Variants in CFAP54 observed in about 807,000 individuals in gnomAD.
CFAP54 encodes cilia- and flagella-associated protein 54.
CFAP54 carries 290 observed loss-of-function variants against 370.4 expected under a neutral mutation model. The observed-to-expected ratio is 0.78, with a 90% confidence interval of 0.71 to 0.86. CFAP54 has a LOEUF of 0.86. Ranked by LOEUF, CFAP54 falls within the 40% of genes least tolerant of loss-of-function variation. CFAP54 has a pLI of 0.00. For missense variants in CFAP54, 3,399 were observed against 3,528.7 expected (o/e 0.96, Z 0.93); for synonymous variants, 1,206 against 1,236.5 (o/e 0.98, Z 0.52).
At chr12:96,821,772 T>C (rs998081399) in intron 65 of CFAP54, among the ~76,000 whole-genome samples, 3 of 151,956 alleles carry the variant, frequency 2.0e-5, no homozygotes, top group Non-Finnish European at 4.4e-5. Context: ...ATCTGCTAGT[T>C]TGTTGTCATG....
chr12:96,562,518 C>T lies in CFAP54; in HGVS notation c.2411-1950C>T, dbSNP rs552867081. On this transcript the variant is annotated intron_variant, in intron 17 of 67. Coordinates refer to ENST00000524981, the MANE Select transcript of CFAP54 (RefSeq NM_001306084.2). ...CTCAGCTCACTGGAACCTCTGCCTCCGAGGTTCAAGTGATTCTCCTGCCTC... is the reference window on the plus strand; with the variant it reads ...CTCAGCTCACTGGAACCTCTGCCTCTGAGGTTCAAGTGATTCTCCTGCCTC... 7.3e-5 allele frequency among the ~76,000 whole-genome samples: 11 copies of T among 150,998 alleles called. No homozygotes were observed. In the South Asian group the frequency reaches 1.5e-3, roughly 20 times the overall value.
intron 61 of CFAP54, 47 bp downstream of exon 61, chr12:96,784,937 C>A: frequency 7.8e-7 from 1 of 1,275,638 alleles, no homozygotes; most frequent in Non-Finnish European, 1.0e-6. Flanking sequence ...TTTCTAATTC[C>A]CATTTAAGTC....
At chr12:96,825,899 CTA>C (rs1959095490) in intron 65 of CFAP54, among the ~76,000 whole-genome samples, 1 of 133,160 alleles carries the variant, frequency 7.5e-6, no homozygotes, top group East Asian at 2.1e-4. Context: ...TCATATATAA[CTA>C]TATAACAGAA....
intron 12 of CFAP54, among the ~76,000 whole-genome samples, chr12:96,537,468 A>C (rs894225703): frequency 6.6e-6 from 1 of 152,052 alleles, no homozygotes; most frequent in African/African-American, 2.4e-5. Flanking sequence ...TAGCCTCCCA[A>C]GTAGCTGGGA....
chr12:96,630,025 C>A, intron 30 of CFAP54, 68 bp from the exon 31 acceptor site: 1 of 643,322 alleles, frequency 1.6e-6, no homozygotes, highest in Non-Finnish European at 2.6e-6. Context: ...ACTTTAAAGA[C>A]ATATTACTTT....
intron 39 of CFAP54, among the ~76,000 whole-genome samples, chr12:96,664,777 C>CTA (rs1255477327): frequency 4.7e-4 from 7 of 14,984 alleles, no homozygotes; most frequent in Non-Finnish European, 9.4e-4. Context: ...ATATCTATAT[C>CTA]TATATATATA....
chr12:96,660,244 G>A (rs551287892), intron 38 of CFAP54, among the ~76,000 whole-genome samples: 2 of 152,190 alleles, frequency 1.3e-5, no homozygotes, highest in African/African-American at 2.4e-5. Flanking sequence ...AAGAAGGCCT[G>A]TATGGCTGAA....
In CFAP54 at chr12:96,733,201, A is replaced by G. The variant is rs1957941357; in HGVS notation, c.6966-6755A>G. Among the ~76,000 whole-genome samples the G allele has an allele frequency of 3.3e-5, 5 of 152,324 alleles. No homozygotes were observed. In the South Asian group the frequency reaches 1.0e-3, roughly 32 times the overall value. On this transcript the variant is annotated intron_variant, in intron 50 of 67. Transcript: ENST00000524981. The stretch of plus-strand genomic sequence containing the variant: ...TTTGATGTTATTGCCTTTTTGGAGC[A>G]GAGTTGTCATTTAGGGGAAGCCTAC...
At chr12:96,648,495 G>T (rs1286962089) in intron 34 of CFAP54, among the ~76,000 whole-genome samples, 2 of 150,192 alleles carry the variant, frequency 1.3e-5, no homozygotes, top group Admixed American at 1.3e-4. Context: ...TTCCAAGAAA[G>T]CTCACTCTAA....
intron 46 of CFAP54, among the ~76,000 whole-genome samples, chr12:96,704,452 GTATATATATATATATATATA>G (rs71068825): frequency 0.024 from 1,501 of 61,294 alleles, 68 homozygotes; most frequent in Middle Eastern, 0.1. Context: ...ATGTATGTGT[GTATATATATATATATATATA>G]TATATATATA....
chr12:96,512,636 AG>A (rs1434547382), intron 4 of CFAP54, among the ~76,000 whole-genome samples: 1 of 151,914 alleles, frequency 6.6e-6, no homozygotes, highest in Non-Finnish European at 1.5e-5. Flanking sequence ...CACTGTACAC[AG>A]CTGGGAACCA....
chr12:96,614,358 A>G (rs1233933859), intron 26 of CFAP54, among the ~76,000 whole-genome samples: 2 of 152,154 alleles, frequency 1.3e-5, no homozygotes, highest in Non-Finnish European at 2.9e-5. Flanking sequence ...TTGATGGGAC[A>G]TATCTCAAAA....
intron 65 of CFAP54, among the ~76,000 whole-genome samples, chr12:96,823,398 T>A (rs1959054725): frequency 6.6e-6 from 1 of 152,212 alleles, no homozygotes; most frequent in Admixed American, 6.5e-5. Context: ...TAGTGCTTCC[T>A]TAATAGTTTG....
intron 39 of CFAP54, among the ~76,000 whole-genome samples, chr12:96,675,293 T>C (rs1261211415): frequency 2.0e-5 from 3 of 152,130 alleles, no homozygotes; most frequent in Admixed American, 1.3e-4. Flanking sequence ...GAACAGACAC[T>C]TCTCAAAAAA....
At chr12:96,860,758 G>T in intron 66 of CFAP54, 61 bp from the exon 67 acceptor site, 1 of 1,430,728 alleles carries the variant, frequency 7.0e-7, no homozygotes. Flanking sequence ...TGGGTATTTT[G>T]AGAACTTTGT....
At chr12:96,834,207 A>G (rs1959179111) in intron 66 of CFAP54, among the ~76,000 whole-genome samples, 1 of 152,252 alleles carries the variant, frequency 6.6e-6, no homozygotes, top group Non-Finnish European at 1.5e-5. Context: ...GTAAGAAAAC[A>G]GCTAGAGAGA....
At chr12:96,627,749 G>C (rs939093079) in intron 30 of CFAP54, among the ~76,000 whole-genome samples, 7 of 152,130 alleles carry the variant, frequency 4.6e-5, no homozygotes, top group African/African-American at 1.4e-4. Context: ...TAACAGAATT[G>C]TTCAGAATTA....
chr12:96,839,765 G>A (rs1959200125), intron 66 of CFAP54, among the ~76,000 whole-genome samples: 1 of 152,210 alleles, frequency 6.6e-6, no homozygotes, highest in Admixed American at 6.5e-5. Context: ...AATTGCTGAA[G>A]GCTCATTTAG....
intron 39 of CFAP54, among the ~76,000 whole-genome samples, chr12:96,665,769 TC>T (rs1354525507): frequency 2.0e-4 from 30 of 152,212 alleles, no homozygotes; most frequent in African/African-American, 6.5e-4. Context: ...TCCAGCTTTG[TC>T]CTTTTTGCTT....
Sources: gnomAD v4.1 joint callset for allele counts (sites outside exome capture counted in the v4.1 genomes callset) on GRCh38, gnomAD v4.1.1 for gene constraint, MANE v1.5 for transcripts, NCBI Gene and HGNC (gene_info 2026-07-23, HGNC 2026-07-21) for gene names.